CHRM2: variants seen among roughly 807,000 people sequenced by gnomAD.
CHRM2 encodes cholinergic receptor muscarinic 2.
CHRM2 carries 8 observed loss-of-function variants against 25.0 expected under a neutral mutation model. That is an observed-to-expected ratio of 0.32 (90% confidence interval 0.19 to 0.58). CHRM2 has a LOEUF of 0.58. Among genes scored for constraint, CHRM2 ranks in the 20% least tolerant of loss-of-function variants. The pLI, the probability that CHRM2 is intolerant of heterozygous loss-of-function variation, is 0.88. For missense variants in CHRM2, 440 were observed against 567.1 expected, an observed-to-expected ratio of 0.78 and a Z score of 2.28; for synonymous variants, 202 against 205.7, an observed-to-expected ratio of 0.98 and a Z score of 0.15.
At chr7:136,971,107 A>G (rs1801738475) in intron 2 of CHRM2, among the ~76,000 whole-genome samples, 1 of 152,370 alleles carries the variant, frequency 6.6e-6, no homozygotes, top group East Asian at 1.9e-4. Flanking sequence ...GAAATCTGGC[A>G]GCACAGAAAC....
intron 3 of CHRM2, among the ~76,000 whole-genome samples, chr7:136,996,273 A>G: frequency 6.6e-6 from 1 of 152,074 alleles, no homozygotes; most frequent in East Asian, 1.9e-4. Flanking sequence ...ATGATATCAC[A>G]AAAATAAGTA....
chr7:136,913,020 G>A (rs1403277381), intron 2 of CHRM2, among the ~76,000 whole-genome samples: 1 of 151,784 alleles, frequency 6.6e-6, no homozygotes, highest in Non-Finnish European at 1.5e-5. Flanking sequence ...CTATTATGTA[G>A]AAAAGACAGA....
chr7:136,944,005 C>T (rs1799919380), intron 2 of CHRM2, among the ~76,000 whole-genome samples: 1 of 152,128 alleles, frequency 6.6e-6, no homozygotes, highest in Non-Finnish European at 1.5e-5. Flanking sequence ...GCAGATAGGA[C>T]TCTCTGATAT....
intron 2 of CHRM2, among the ~76,000 whole-genome samples, chr7:136,876,461 A>T (rs1796056024): frequency 6.6e-6 from 1 of 152,178 alleles, no homozygotes; most frequent in Non-Finnish European, 1.5e-5. Flanking sequence ...TGGAATTTTT[A>T]AAACCACTTT....
rs570950691 is a variant in CHRM2 at position 136,869,951 on chromosome 7, G to A, written c.-125+533G>A. ...GCTGTCCCCCGGCTCCGCTTTCGGA[G>A]CAGCCCTTGGGCGCTGGAGAGGTTT... On this transcript the variant is annotated intron_variant, in intron 2 of 3. Transcript: ENST00000680005. This position sits in a 1 kb window ranked among gnomAD's most constrained non-coding sequence, Gnocchi z 4.9. 1 of 152,432 alleles carries A rather than the reference G, an allele frequency of 6.6e-6. No individual in the cohort carries two copies. Among genetic ancestry groups the A allele is most frequent in the Admixed American group, 6.5e-5 (1 of 15,296 alleles). The allele number at this position is 152,432 out of a possible 1,614,324, so 9.4% of individuals were successfully genotyped here.
chr7:136,893,781 G>C (rs1344109525), intron 2 of CHRM2, among the ~76,000 whole-genome samples: 3 of 152,148 alleles, frequency 2.0e-5, no homozygotes, highest in Non-Finnish European at 4.4e-5. Context: ...AGCAAAACAG[G>C]AGATGTGTTG....
intron 2 of CHRM2, among the ~76,000 whole-genome samples, 190 bp from the exon 3 acceptor site, chr7:136,991,997 G>A (rs1435340882): frequency 1.3e-5 from 2 of 152,106 alleles, no homozygotes; most frequent in African/African-American, 4.8e-5. Flanking sequence ...TGTTCCTGGA[G>A]GAGTAAACCT....
rs765496313 is a variant in CHRM2 at position 136,959,549 on chromosome 7, C to T, written c.-124-32638C>T. Among the ~76,000 whole-genome samples, 196 of 152,264 alleles carry T rather than the reference C, an allele frequency of 1.3e-3. 2 individuals carry two copies. The highest frequency in any genetic ancestry group is 1.3e-3 in the Non-Finnish European group (86 of 68,024). ...ATGTGCTTGAATGTGAAGACAGAAACCAAACTCTACATTTTTCCATTATGG... is the reference window on the plus strand; with the variant it reads ...ATGTGCTTGAATGTGAAGACAGAAATCAAACTCTACATTTTTCCATTATGG... On this transcript the variant is annotated intron_variant, in intron 2 of 3. Transcript: ENST00000680005.
chr7:136,904,974 AATGAG>A (rs751676038), intron 2 of CHRM2, among the ~76,000 whole-genome samples: 2 of 151,954 alleles, frequency 1.3e-5, no homozygotes, highest in African/African-American at 2.4e-5. Flanking sequence ...TGTAAGATTA[AATGAG>A]ATATGTTTAT....
At chr7:136,895,484 T>C (rs754941533) in intron 2 of CHRM2, among the ~76,000 whole-genome samples, 25 of 152,254 alleles carry the variant, frequency 1.6e-4, no homozygotes, top group Non-Finnish European at 2.9e-4. Flanking sequence ...AGGCAAGTTC[T>C]ATGAACCTTT....
chr7:136,977,459 G>A (rs1431359895), intron 2 of CHRM2, among the ~76,000 whole-genome samples: 1 of 151,938 alleles, frequency 6.6e-6, no homozygotes, highest in Non-Finnish European at 1.5e-5. Context: ...GGTTTACAAT[G>A]GAAATTGTAA....
chr7:136,953,148 G>A (rs777747681), intron 2 of CHRM2, among the ~76,000 whole-genome samples: 7 of 152,042 alleles, frequency 4.6e-5, no homozygotes, highest in Admixed American at 1.3e-4. Context: ...TTGAGGAATC[G>A]CCACACTGTC....
chr7:136,900,244 A>T (rs1797122822), intron 2 of CHRM2, among the ~76,000 whole-genome samples: 1 of 152,124 alleles, frequency 6.6e-6, no homozygotes, highest in Non-Finnish European at 1.5e-5. Context: ...TGGACACTGA[A>T]GATACTAGTG....
intron 2 of CHRM2, among the ~76,000 whole-genome samples, chr7:136,917,501 C>G (rs569404227): frequency 2.6e-5 from 4 of 151,968 alleles, no homozygotes; most frequent in Non-Finnish European, 5.9e-5. Context: ...GAGAGATCAA[C>G]GGGCTATGTC....
At chr7:136,907,302 C>A (rs1449341286) in intron 2 of CHRM2, among the ~76,000 whole-genome samples, 1 of 151,904 alleles carries the variant, frequency 6.6e-6, no homozygotes, top group Non-Finnish European at 1.5e-5. Context: ...TTCTGTACTT[C>A]AAGACTGTAA....
chr7:136,972,739 G>T (rs1441276571), intron 2 of CHRM2, among the ~76,000 whole-genome samples: 1 of 144,724 alleles, frequency 6.9e-6, no homozygotes, highest in Admixed American at 7.1e-5. Context: ...TGATGGTGAC[G>T]GTGTTAGGGA....
At chr7:136,927,844 C>T (rs1415647049) in intron 2 of CHRM2, among the ~76,000 whole-genome samples, 1 of 151,986 alleles carries the variant, frequency 6.6e-6, no homozygotes, top group East Asian at 1.9e-4. Context: ...AAAATTTCAC[C>T]ATGTCATAAG....
At chr7:136,932,767 T>C (rs1283104058) in intron 2 of CHRM2, among the ~76,000 whole-genome samples, 1 of 152,192 alleles carries the variant, frequency 6.6e-6, no homozygotes, top group Non-Finnish European at 1.5e-5. Flanking sequence ...TGGTGACTCA[T>C]ACCGATAATC....
chr7:136,894,292 C>T (rs1796804371), intron 2 of CHRM2, among the ~76,000 whole-genome samples: 1 of 152,150 alleles, frequency 6.6e-6, no homozygotes, highest in Admixed American at 6.5e-5. Flanking sequence ...CCAAATTCTA[C>T]ATAGAAAATA....
Sources: allele counts gnomAD v4.1 joint callset (sites outside exome capture counted in the v4.1 genomes callset), GRCh38; gene constraint gnomAD v4.1.1; non-coding constraint Gnocchi (gnomAD v3.1); transcripts MANE v1.5; gene names NCBI Gene and HGNC (gene_info 2026-07-23, HGNC 2026-07-21).